The following LARGE1 variants were observed in gnomAD, a reference collection of about 807,000 sequenced individuals.
LARGE1 encodes the protein LARGE xylosyl- and glucuronyltransferase 1, also known as xylosyl- and glucuronyltransferase LARGE1.
In LARGE1, 43 loss-of-function variants were observed where a neutral mutation model predicts 87.6. The ratio of observed to expected loss-of-function variants is 0.49; its 90% CI spans 0.38 to 0.63. The LOEUF is 0.63. LARGE1 is among the 30% of genes least tolerant of loss of function. LARGE1 has a pLI of 0.00. For synonymous variants in LARGE1, 434 were observed against 394.6 expected, an observed-to-expected ratio of 1.10 and a Z score of -1.18; for missense variants, 802 against 1,000.2, an observed-to-expected ratio of 0.80 and a Z score of 2.67.
intron 1 of LARGE1, among the ~76,000 whole-genome samples, chr22:33,785,241 ATG>A (rs1035025187): frequency 3.3e-5 from 5 of 151,778 alleles, no homozygotes; most frequent in African/African-American, 9.7e-5. Context: ...ATACATACAT[ATG>A]TGTATATATG....
intron 2 of LARGE1, among the ~76,000 whole-genome samples, chr22:33,685,754 G>C (rs969869678): frequency 2.0e-5 from 3 of 152,168 alleles, no homozygotes; most frequent in African/African-American, 7.2e-5. Context: ...TGTTCCCACT[G>C]AGAGCTGACT....
intron 10 of LARGE1, among the ~76,000 whole-genome samples, chr22:33,320,264 T>A (rs896601436): frequency 1.3e-5 from 2 of 151,908 alleles, no homozygotes; most frequent in Admixed American, 1.3e-4. Context: ...CCCTCACACC[T>A]CCGTGACTTT....
intron 6 of LARGE1, among the ~76,000 whole-genome samples, chr22:33,506,768 G>A (rs980945775): frequency 1.3e-5 from 2 of 152,120 alleles, no homozygotes; most frequent in Admixed American, 1.3e-4. Context: ...AGGTGTGGTG[G>A]CCCATGTCTG....
intron 2 of LARGE1, among the ~76,000 whole-genome samples, chr22:33,734,167 G>C (rs573370579): frequency 6.6e-6 from 1 of 152,322 alleles, no homozygotes; most frequent in South Asian, 2.1e-4. Context: ...CAAGGACACA[G>C]TCAAATTGAA....
chr22:33,817,282 C>T (rs749497951), intron 1 of LARGE1, among the ~76,000 whole-genome samples: 3 of 152,110 alleles, frequency 2.0e-5, no homozygotes, highest in Non-Finnish European at 4.4e-5. Context: ...CTTGCAGGTA[C>T]TGACACCTCC....
At chr22:33,592,828 T>C (rs935997760) in intron 5 of LARGE1, among the ~76,000 whole-genome samples, 5 of 143,394 alleles carry the variant, frequency 3.5e-5, no homozygotes, top group Admixed American at 2.9e-4. Flanking sequence ...TTTTCTGTTT[T>C]TGTTTGTTTG....
chr22:33,095,366 T>C, the LARGE1 span, among the ~76,000 whole-genome samples: 1 of 152,226 alleles, frequency 6.6e-6, no homozygotes, highest in Admixed American at 6.5e-5. Context: ...CTGCTTCTGT[T>C]GTCATATGGC....
At chr22:33,772,845 CTGAATGAATGAA>C (rs56761832) in intron 1 of LARGE1, among the ~76,000 whole-genome samples, 2 of 151,366 alleles carry the variant, frequency 1.3e-5, no homozygotes, top group Non-Finnish European at 1.5e-5. Flanking sequence ...TGAGTATCTG[CTGAATGAATGAA>C]TGAATGAATG....
chr22:33,795,944 C>T (rs1416714089), intron 1 of LARGE1, among the ~76,000 whole-genome samples: 1 of 149,796 alleles, frequency 6.7e-6, no homozygotes, highest in Non-Finnish European at 1.5e-5. Context: ...CACATGTATA[C>T]ATATGTAACA....
At chr22:33,871,334 A>T (rs1029843324) in intron 1 of LARGE1, among the ~76,000 whole-genome samples, 5 of 152,238 alleles carry the variant, frequency 3.3e-5, no homozygotes, top group Admixed American at 1.3e-4. Context: ...TTTATGTGCT[A>T]GGTCATTTCA....
intron 5 of LARGE1, among the ~76,000 whole-genome samples, chr22:33,596,170 T>TAAATAAAGAAAA (rs966026815): frequency 6.6e-6 from 1 of 152,228 alleles, no homozygotes; most frequent in Non-Finnish European, 1.5e-5. Flanking sequence ...AGAAGACTGT[T>TAAATAAAGAAAA]AAATAAAGAA....
At chr22:33,407,963 G>A (rs1257723995) in intron 7 of LARGE1, among the ~76,000 whole-genome samples, 1 of 151,860 alleles carries the variant, frequency 6.6e-6, no homozygotes, top group Non-Finnish European at 1.5e-5. Flanking sequence ...ATGCATTCAG[G>A]GTGGTAAGGA....
intron 10 of LARGE1, among the ~76,000 whole-genome samples, chr22:33,334,408 TCAAAAAAAAAAAAA>T (rs1379665077): frequency 4.1e-5 from 3 of 73,820 alleles, no homozygotes; most frequent in African/African-American, 2.3e-4. Context: ...AGACTCTGTC[TCAAAAAAAAAAAAA>T]CAAAAAAAAA....
intron 5 of LARGE1, among the ~76,000 whole-genome samples, chr22:33,595,455 G>A (rs759505417): frequency 2.0e-5 from 3 of 152,168 alleles, no homozygotes; most frequent in Non-Finnish European, 4.4e-5. Flanking sequence ...GAACCACAGA[G>A]AATGTCTCTG....
intron 1 of LARGE1, among the ~76,000 whole-genome samples, chr22:33,764,690 G>A (rs996569746): frequency 2.6e-5 from 4 of 152,240 alleles, no homozygotes; most frequent in Admixed American, 6.5e-5. Flanking sequence ...CCCGGGAGGC[G>A]GAGGTTACAG....
intron 2 of LARGE1, among the ~76,000 whole-genome samples, chr22:33,703,920 T>C (rs946164421): frequency 1.3e-5 from 2 of 152,196 alleles, no homozygotes; most frequent in South Asian, 2.1e-4. Context: ...TCTTCCAGAA[T>C]GTTAAGGAAG....
chr22:33,920,627 G>A (rs1448722235), upstream of LARGE1, among the ~76,000 whole-genome samples: 2 of 144,432 alleles, frequency 1.4e-5, no homozygotes, highest in Non-Finnish European at 3.1e-5. Flanking sequence ...GGGGCCGGGG[G>A]CGCGGGGCTA....
chr22:33,697,634 T>G (rs2149358813), intron 2 of LARGE1, among the ~76,000 whole-genome samples: 1 of 151,324 alleles, frequency 6.6e-6, no homozygotes, highest in African/African-American at 2.4e-5. Context: ...CTCTAATGGT[T>G]ATAGTCCCAC....
intron 12 of LARGE1, among the ~76,000 whole-genome samples, chr22:33,295,423 C>T (rs1222829890): frequency 6.6e-6 from 1 of 152,208 alleles, no homozygotes; most frequent in Admixed American, 6.5e-5. Context: ...CCAGCTGTCC[C>T]TCATAGCTGT....
Sources: gnomAD v4.1 joint callset for allele counts (sites outside exome capture counted in the v4.1 genomes callset) on GRCh38, gnomAD v4.1.1 for gene constraint, MANE v1.5 for transcripts, NCBI Gene and HGNC (gene_info 2026-07-23, HGNC 2026-07-21) for gene names.